The following COL3A1 variants were observed in gnomAD, a reference collection of about 807,000 sequenced individuals.
COL3A1 encodes collagen type III alpha 1 chain.
In COL3A1, 46 loss-of-function variants were observed where a neutral mutation model predicts 200.9. The ratio of observed to expected loss-of-function variants is 0.23; its 90% CI spans 0.18 to 0.29. The LOEUF (loss-of-function observed/expected upper bound fraction) is 0.29, where lower values mean the gene tolerates loss of function less well. Ranked by LOEUF, COL3A1 falls within the 10% of genes least tolerant of loss-of-function variation. COL3A1 has a pLI of 1.00. For missense variants in COL3A1, 1,367 were observed against 1,917.6 expected (o/e 0.71, Z 5.36); for synonymous variants, 650 against 628.0 (o/e 1.03, Z -0.52).
chr2:188,984,902 C>T lies in COL3A1; in HGVS notation c.222C>T (p.Cys74=), dbSNP rs1688032683. ...TATGTGACGATCAAGAATTAGACTG[C>T]CCCAACCCAGAAATTCCATTTGGAG... ...DIICDDQELD[C]PNPEIPFGEC... The change falls in exon 2 of 51, where the codon TGC becomes TGT. Residue 74 remains cysteine, a synonymous_variant. Coordinates refer to ENST00000304636, the MANE Select transcript of COL3A1 (RefSeq NM_000090.4). The T allele has an allele frequency of 1.2e-6, 2 of 1,613,180 alleles. No individual in the cohort carries two copies. The highest frequency in any genetic ancestry group is 1.7e-6 in the Non-Finnish European group (2 of 1,179,416).
Position 189,006,954 on chromosome 2 carries a change from T to G in COL3A1, c.3219T>G (p.Ala1073=), listed in dbSNP as rs767247799. 1 of 1,613,508 alleles carries G rather than the reference T, an allele frequency of 6.2e-7. No homozygotes were observed. Among genetic ancestry groups the G allele is most frequent in the East Asian group, 2.2e-5 (1 of 44,844 alleles). ...DRGESGPAGP[A]GAPGPAGSRG... ...CATCTTAGGGCCCTGCTGGCCCTGC[T>G]GGTGCTCCCGGTCCTGCTGGTTCCC... The change falls in exon 44 of 51, where the codon GCT becomes GCG. Residue 1073 remains alanine, a synonymous_variant. Coordinates refer to ENST00000304636, the MANE Select transcript of COL3A1 (RefSeq NM_000090.4).
Position 189,008,964 on chromosome 2 carries a change from C to T in COL3A1, c.3566C>T (p.Pro1189Leu), listed in dbSNP as rs752598062. ...CCAGGGCAACCAGGCCCTCCTGGAC[C>T]TCCTGGTGCCCCTGGTCCTTGCTGT... Reference protein sequence around the residue: ...GHPGQPGPPGPPGAPGPCCGG... With the variant: ...GHPGQPGPPGLPGAPGPCCGG... The change falls in exon 48 of 51, where the codon CCT becomes CTT. Residue 1189 changes from proline (P) to leucine (L), a missense_variant. This residue lies in a region of COL3A1 where 846 missense variants were observed against 1,147.9 expected (regional missense o/e 0.74). Coordinates refer to ENST00000304636, the MANE Select transcript of COL3A1 (RefSeq NM_000090.4). 7 of 1,614,056 alleles carry T rather than the reference C, an allele frequency of 4.3e-6. No homozygotes were observed. Among genetic ancestry groups the T allele is most frequent in the Non-Finnish European group, 5.9e-6 (7 of 1,180,038 alleles).
intron 13 of COL3A1, 128 bp downstream of exon 13, chr2:188,991,850 C>A: frequency 2.2e-6 from 2 of 923,356 alleles, no homozygotes; most frequent in Non-Finnish European, 1.8e-6. Flanking sequence ...CTCAATGATA[C>A]TGTGATAAAG....
intron 5 of COL3A1, 79 bp from the exon 6 acceptor site, chr2:188,988,002 G>T: frequency 9.5e-7 from 1 of 1,050,290 alleles, no homozygotes; most frequent in South Asian, 1.3e-5. Context: ...TTAACAATGC[G>T]AGTGTCATTG....
rs1474453319 is a variant in COL3A1, at chr2:188,997,330, T to G, written c.1816-6T>G. On this transcript the variant is annotated splice_polypyrimidine_tract_variant and splice_region_variant and intron_variant, in intron 25 of 50. Transcript: ENST00000304636. ...TTTCTACTTCCCTAACTGTTCTTGT[T>G]TTTAGGGTCCTCCTGGAAAGAATGG... 1 of 1,613,888 alleles carries G rather than the reference T, an allele frequency of 6.2e-7. No individual in the cohort carries two copies. Among genetic ancestry groups the G allele is most frequent in the Non-Finnish European group, 8.5e-7 (1 of 1,179,872 alleles).
chr2:189,002,245 A>G, intron 34 of COL3A1, 53 bp from the exon 35 acceptor site: 4 of 1,398,240 alleles, frequency 2.9e-6, no homozygotes, highest in East Asian at 2.3e-5. Flanking sequence ...TTTCCTGCCT[A>G]AAGGAGATGA....
At chr2:188,983,074 G>T (rs1049970697) in intron 1 of COL3A1, among the ~76,000 whole-genome samples, 5 of 151,758 alleles carry the variant, frequency 3.3e-5, no homozygotes, top group African/African-American at 1.2e-4. Flanking sequence ...AAGCATTTTG[G>T]TATTCAGCTT....
At chr2:189,009,593 ATT>A (rs1688674945) in intron 48 of COL3A1, among the ~76,000 whole-genome samples, 1 of 152,192 alleles carries the variant, frequency 6.6e-6, no homozygotes, top group South Asian at 2.1e-4. Flanking sequence ...AATTATTAAA[ATT>A]TTCAAATTAA....
intron 47 of COL3A1, 61 bp downstream of exon 47, chr2:189,008,203 C>A: frequency 1.4e-6 from 2 of 1,380,324 alleles, no homozygotes; most frequent in Non-Finnish European, 1.0e-6. Flanking sequence ...TTTTCAGAAA[C>A]ACAGCGCATT....
Position 188,994,961 on chromosome 2 carries a change from T to C in COL3A1, c.1456-85T>C, listed in dbSNP as rs944438689. 74 of 1,556,410 alleles carry C rather than the reference T, an allele frequency of 4.8e-5. 1 individual carries two copies. The highest frequency in any genetic ancestry group is 2.5e-5 in the Non-Finnish European group (28 of 1,127,856). On this transcript the variant is annotated intron_variant, in intron 20 of 50. Transcript: ENST00000304636. This position sits in a 1 kb window ranked among gnomAD's most constrained non-coding sequence, Gnocchi z 4.5. ...TGAAAATATTGTTTAAAGCATTCTA[T>C]GACATAAAAATATTTGCCACTCAAG... is the stretch of plus-strand genomic sequence containing the variant.
intron 29 of COL3A1, 123 bp downstream of exon 29, chr2:188,998,841 G>C (rs1233772340): frequency 5.8e-5 from 54 of 923,460 alleles, no homozygotes; most frequent in Middle Eastern, 2.8e-4. Flanking sequence ...CAAATGTTTG[G>C]TAAGTACACT....
At position 188,992,249 on chromosome 2, in the gene COL3A1, TA is replaced by T. The variant is rs774235892; in HGVS notation, c.996+22del. The T allele has an allele frequency of 1.2e-6, 2 of 1,611,504 alleles. 1 individual carries two copies. The highest frequency in any genetic ancestry group is 4.5e-5 in the East Asian group (2 of 44,810). ...AACCAGTAAGTAACTTTCTATCTCT[TA>T]TGTGTTGTAGGGTAATGAGAAGTTA... On this transcript the variant is annotated intron_variant, in intron 14 of 50. Transcript: ENST00000304636.
chr2:189,004,212 A>G, intron 39 of COL3A1, 45 bp from the exon 40 acceptor site: 1 of 1,604,908 alleles, frequency 6.2e-7, no homozygotes, highest in Non-Finnish European at 8.5e-7. Flanking sequence ...TTAGAGAAAA[A>G]CACTGTCACA....
chr2:188,994,309 G>C lies in COL3A1; in HGVS notation c.1270G>C (p.Ala424Pro). ...TCCAGGACCAGCCGGTGCTAATGGT[G>C]CTCCTGGACTGCGAGGTGGTGCAGT... ...GPPGPAGANG[A>P]PGLRGGAGEP... The change falls in exon 18 of 51, where the codon GCT becomes CCT. Residue 424 changes from alanine (A) to proline (P), a missense_variant. Ala to Pro is a conservative substitution (Grantham distance 27, BLOSUM62 -1). Coordinates refer to ENST00000304636, the MANE Select transcript of COL3A1 (RefSeq NM_000090.4). The surrounding 1 kb of genome is among the most constrained non-coding windows in gnomAD (Gnocchi z 4.5). 1 of 1,613,748 alleles carries C rather than the reference G, an allele frequency of 6.2e-7. No homozygotes were observed. The highest frequency in any genetic ancestry group is 8.5e-7 in the Non-Finnish European group (1 of 1,179,976).
chr2:189,003,154 C>G (rs1255234529), intron 36 of COL3A1, 92 bp downstream of exon 36: 4 of 1,087,992 alleles, frequency 3.7e-6, no homozygotes, highest in African/African-American at 3.1e-5. Flanking sequence ...TCCCTCTCCC[C>G]CCTCTGTAAG....
chr2:189,006,630 T>A (rs1688591046), intron 43 of COL3A1, among the ~76,000 whole-genome samples, 178 bp downstream of exon 43: 1 of 152,184 alleles, frequency 6.6e-6, no homozygotes. Flanking sequence ...CAGAAGTACT[T>A]GGCAGTAGTC....
rs753505868 is a variant in COL3A1, at chr2:188,994,711, T to C, written c.1348-13T>C. 58 of 1,608,304 alleles carry C rather than the reference T, an allele frequency of 3.6e-5. No homozygotes were observed. In the East Asian group the frequency reaches 6.9e-4, roughly 19 times the overall value. On this transcript the variant is annotated splice_polypyrimidine_tract_variant and intron_variant, in intron 19 of 50. Coordinates refer to ENST00000304636, the MANE Select transcript of COL3A1 (RefSeq NM_000090.4). This position sits in a 1 kb window ranked among gnomAD's most constrained non-coding sequence, Gnocchi z 4.5. ...CATAATTTCTTTATTTTACCATCTT[T>C]TTTTTTTTTCAGGGTGAGGCTGGTA...
intron 1 of COL3A1, among the ~76,000 whole-genome samples, chr2:188,979,823 A>G (rs1436232769): frequency 6.6e-6 from 1 of 151,698 alleles, no homozygotes; most frequent in Non-Finnish European, 1.5e-5. Context: ...TAAGAGTATC[A>G]AATTTAGAGA....
At chr2:188,981,899 A>C (rs1437457460) in intron 1 of COL3A1, among the ~76,000 whole-genome samples, 1 of 151,718 alleles carries the variant, frequency 6.6e-6, no homozygotes, top group Non-Finnish European at 1.5e-5. Flanking sequence ...AAGGTAACTA[A>C]GGTAGAAAAA....
Sources: gnomAD v4.1 joint callset for allele counts (sites outside exome capture counted in the v4.1 genomes callset) on GRCh38, gnomAD v4.1.1 for gene constraint, gnomAD v4.1.1 regional missense constraint, Gnocchi (gnomAD v3.1) non-coding constraint, MANE v1.5 for transcripts, NCBI Gene and HGNC (gene_info 2026-07-23, HGNC 2026-07-21) for gene names.